Variants in PKHD1L1 observed in about 807,000 individuals in gnomAD.
PKHD1L1 encodes fibrocystin-L.
PKHD1L1 carries 434 observed loss-of-function variants against 462.9 expected under a neutral mutation model. The observed-to-expected ratio is 0.94, with a 90% confidence interval of 0.87 to 1.02. The LOEUF is 1.02. Among genes scored for constraint, PKHD1L1 ranks in the 50% least tolerant of loss-of-function variants. The probability of loss-of-function intolerance (pLI) is 0.00; values close to 1 mark genes in which losing one functional copy is unlikely to be tolerated. For synonymous variants in PKHD1L1, 1,781 were observed against 1,750.0 expected, an observed-to-expected ratio of 1.02 and a Z score of -0.44; for missense variants, 5,202 against 5,096.1, an observed-to-expected ratio of 1.02 and a Z score of -0.63.
rs552302505 is a variant in PKHD1L1 at position 109,445,385 on chromosome 8, C to T, written c.5516C>T (p.Thr1839Ile). 6 of 1,613,990 alleles carry T rather than the reference C, an allele frequency of 3.7e-6. No homozygotes were observed. The African/African-American group carries it at 8.0e-5, about 22-fold the overall frequency. ...SSPPVASLSP[T>I]SGSIGGGTTL... ...CCCCCAGTAGCATCTCTATCACCAA[C>T]TTCTGGAAGCATTGGTGGTGGAACT... Residue 1839 changes from threonine (T) to isoleucine (I), a missense_variant, in exon 38 of 78, where the codon ACT (threonine) becomes ATT (isoleucine). Transcript: ENST00000378402.
chr8:109,528,388 G>A (rs140008964), intron 77 of PKHD1L1, among the ~76,000 whole-genome samples: 1 of 152,206 alleles, frequency 6.6e-6, no homozygotes, highest in Non-Finnish European at 1.5e-5. Context: ...AATGCTAACA[G>A]GAATCTCAAA....
Position 109,479,557 on chromosome 8 carries a change from G to T in PKHD1L1, c.9096G>T (p.Trp3032Cys). 1 of 1,505,100 alleles carries T rather than the reference G, an allele frequency of 6.6e-7. No homozygotes were observed. Among genetic ancestry groups the T allele is most frequent in the Non-Finnish European group, 9.1e-7 (1 of 1,093,840 alleles). 93.2% of individuals were successfully genotyped at this position (1,505,100 alleles called of 1,614,324 possible). ...PKKRPATYNL[W>C]SNDSFWQSSR... ...ATTTCTCTTCTCTTTTCAGTTTATGGTCAAATGATTCTTTTTGGCAATCAT... is the reference window on the plus strand; with the variant it reads ...ATTTCTCTTCTCTTTTCAGTTTATGTTCAAATGATTCTTTTTGGCAATCAT... Residue 3032 changes from tryptophan to cysteine, a missense_variant, in exon 54 of 78, where the codon TGG becomes TGT. Physicochemically the swap from Trp to Cys is radical, Grantham distance 215. This residue lies in a region of PKHD1L1 where 4,497 missense variants were observed against 4,336.8 expected (regional missense o/e 1.04). Transcript: ENST00000378402.
chr8:109,387,450 G>A (rs10088918), intron 6 of PKHD1L1, among the ~76,000 whole-genome samples: 45,220 of 152,018 alleles, frequency 0.3, 7,314 homozygotes, highest in Admixed American at 0.43. Context: ...TGCTCTACCC[G>A]TTATTGTCTG....
In PKHD1L1 at chr8:109,465,139, T is replaced by C. The variant is rs1817368152; in HGVS notation, c.8307T>C (p.Gly2769=). The change falls in exon 49 of 78, where the codon GGT becomes GGC. Residue 2769 remains glycine (G), a synonymous_variant. Coordinates refer to ENST00000378402, the MANE Select transcript of PKHD1L1 (RefSeq NM_177531.6). ...ISGVCNDRCG[G]WSAKFVDVQY... The stretch of plus-strand genomic sequence containing the variant: ...GAGTTTGTAATGACAGATGTGGGGG[T>C]TGGAGTGCAAAGTTTGTTGACGTCC... 1.2e-6 allele frequency: 2 copies of C among 1,613,580 alleles called. No individual in the cohort carries two copies. The highest frequency in any genetic ancestry group is 1.7e-6 in the Non-Finnish European group (2 of 1,179,754).
chr8:109,381,361 C>G lies in PKHD1L1; in HGVS notation c.164-9C>G. On this transcript the variant is annotated splice_polypyrimidine_tract_variant and intron_variant, in intron 2 of 77. Coordinates refer to ENST00000378402, the MANE Select transcript of PKHD1L1 (RefSeq NM_177531.6). ...CATTAATAATAATTAAGTCTTCTTA[C>G]TTTTCCAGGTTTTTCTCAAGCAAAC... The G allele has an allele frequency of 6.4e-7, 1 of 1,556,732 alleles. No individual in the cohort carries two copies. The highest frequency in any genetic ancestry group is 1.2e-5 in the South Asian group (1 of 84,502).
chr8:109,435,280 T>C lies in PKHD1L1; in HGVS notation c.3431T>C (p.Val1144Ala). Reference protein sequence around the residue: ...SMADVGLAQNVGGEEFYFVYQ... With the variant: ...SMADVGLAQNAGGEEFYFVYQ... ...GCTGATGTTGGACTAGCACAGAATG[T>C]AGGGGGTGAAGAGTTCTACTTTGTT... Residue 1144 changes from valine to alanine, a missense_variant, in exon 29 of 78, where the codon GTA (valine) becomes GCA (alanine). Physicochemically the swap from Val to Ala is moderately conservative, Grantham distance 64. Around this residue, in one of 3 missense-constraint regions of PKHD1L1, gnomAD observed 4,497 missense variants for 4,336.8 expected, o/e 1.04. Coordinates refer to ENST00000378402, the MANE Select transcript of PKHD1L1 (RefSeq NM_177531.6). The C allele has an allele frequency of 3.1e-6, 5 of 1,613,882 alleles. No homozygotes were observed. The highest frequency in any genetic ancestry group is 2.2e-5 in the East Asian group (1 of 44,880).
chr8:109,412,099 C>T (rs1377411062), intron 19 of PKHD1L1, among the ~76,000 whole-genome samples, 166 bp from the exon 20 acceptor site: 2 of 152,120 alleles, frequency 1.3e-5, no homozygotes, highest in East Asian at 3.9e-4. Context: ...AATTATGGAT[C>T]CGAATGAGAG....
intron 10 of PKHD1L1, among the ~76,000 whole-genome samples, 174 bp downstream of exon 10, chr8:109,394,659 A>T (rs931695239): frequency 1.3e-5 from 2 of 152,056 alleles, no homozygotes; most frequent in Non-Finnish European, 2.9e-5. Context: ...ATTAAGCATG[A>T]CCTCCCCCAC....
chr8:109,478,357 A>G (rs1269445943), intron 53 of PKHD1L1, among the ~76,000 whole-genome samples: 1 of 152,186 alleles, frequency 6.6e-6, no homozygotes, highest in Non-Finnish European at 1.5e-5. Context: ...CTCATATTCA[A>G]TCCAAAGAGA....
At position 109,385,647 on chromosome 8, in the gene PKHD1L1, G is replaced by A; in HGVS notation, c.569+17G>A. 1 of 1,465,556 alleles carries A rather than the reference G, an allele frequency of 6.8e-7. No homozygotes were observed. The highest frequency in any genetic ancestry group is 9.5e-7 in the Non-Finnish European group (1 of 1,055,380). 90.8% of individuals were successfully genotyped at this position (1,465,556 alleles called of 1,614,324 possible). A position where few individuals can be genotyped will look rare whatever the true frequency, so the allele number is the denominator to read the frequency against. ...GATTTTGAGGTAATCTTTTGATGTG[G>A]AAATATATTCTTATAACTCATAAAT... On this transcript the variant is annotated intron_variant, in intron 6 of 77. Transcript: ENST00000378402.
At chr8:109,479,310 C>T (rs1420909269) in intron 53 of PKHD1L1, among the ~76,000 whole-genome samples, 1 of 152,182 alleles carries the variant, frequency 6.6e-6, no homozygotes, top group East Asian at 1.9e-4. Flanking sequence ...GGTGCATCCT[C>T]GTCAACTCAG....
At chr8:109,448,020 T>A in intron 38 of PKHD1L1, 123 bp from the exon 39 acceptor site, 1 of 836,404 alleles carries the variant, frequency 1.2e-6, no homozygotes, top group Non-Finnish European at 1.8e-6. Flanking sequence ...GTATTGTTAA[T>A]ATTTATATTA....
chr8:109,405,027 T>C lies in PKHD1L1; in HGVS notation c.1566T>C (p.Asn522=), dbSNP rs771481880. ...VITLENWETT[N]AINEVQKIKV... is the part of the protein sequence containing the mutation. ...CATTGGAAAACTGGGAAACAACTAA[T>C]GCAATTAATGAGGTTCAGAAGATCA... The change falls in exon 16 of 78, where the codon AAT becomes AAC. Residue 522 remains asparagine, a synonymous_variant. Coordinates refer to ENST00000378402, the MANE Select transcript of PKHD1L1 (RefSeq NM_177531.6). The C allele has an allele frequency of 1.3e-5, 20 of 1,523,662 alleles. 1 individual carries two copies. The highest frequency in any genetic ancestry group is 8.2e-5 in the Admixed American group (4 of 48,716). The allele number at this position is 1,523,662 out of a possible 1,614,324, so 94.4% of individuals were successfully genotyped here. A position where few individuals can be genotyped will look rare whatever the true frequency, so the allele number is the denominator to read the frequency against.
At chr8:109,458,828 T>A (rs1179905427) in intron 46 of PKHD1L1, among the ~76,000 whole-genome samples, 2 of 152,146 alleles carry the variant, frequency 1.3e-5, no homozygotes, top group Non-Finnish European at 2.9e-5. Flanking sequence ...GACACACTTG[T>A]CTCCTTAAAA....
chr8:109,398,638 G>T, intron 12 of PKHD1L1, 90 bp downstream of exon 12: 1 of 521,500 alleles, frequency 1.9e-6, no homozygotes, highest in South Asian at 6.7e-5. Flanking sequence ...TTAGAATTTA[G>T]AATTTGTAGT....
At chr8:109,400,409 T>G (rs1813215484) in intron 13 of PKHD1L1, 65 bp downstream of exon 13, 1 of 1,488,990 alleles carries the variant, frequency 6.7e-7, no homozygotes, top group Non-Finnish European at 9.1e-7. Context: ...ATATGTATCT[T>G]ACTCTAAATC....
Position 109,400,216 on chromosome 8 carries a change from C to T in PKHD1L1, c.1153C>T (p.Gln385Ter). ...DSASYIWLMEQDTFVARFSGF... is the reference protein window; with the variant it reads ...DSASYIWLME The stretch of plus-strand genomic sequence containing the variant: ...AGCTTCCTATATTTGGCTCATGGAA[C>T]AAGACACATTTGTTGCACGCTTTAG... Residue 385 changes from glutamine to a stop codon, truncating the protein, a stop_gained, in exon 13 of 78, where the codon CAA becomes TAA. Coordinates refer to ENST00000378402, the MANE Select transcript of PKHD1L1 (RefSeq NM_177531.6). LOFTEE classifies it high-confidence loss of function. The T allele has an allele frequency of 6.2e-7, 1 of 1,613,650 alleles. No homozygotes were observed. Among genetic ancestry groups the T allele is most frequent in the Non-Finnish European group, 8.5e-7 (1 of 1,179,670 alleles).
intron 71 of PKHD1L1, among the ~76,000 whole-genome samples, chr8:109,514,479 A>G (rs1437181059): frequency 2.0e-5 from 3 of 152,150 alleles, no homozygotes. Context: ...TCTTTTGTAA[A>G]AAATTAGAAG....
At position 109,385,668 on chromosome 8, in the gene PKHD1L1, T is replaced by C. The variant is rs10283053; in HGVS notation, c.569+38T>C. 3.7e-5 allele frequency: 48 copies of C among 1,297,920 alleles called. No individual in the cohort carries two copies. In the African/African-American group the frequency reaches 7.0e-4, roughly 19 times the overall value. The allele number at this position is 1,297,920 out of a possible 1,614,324, so 80.4% of individuals were successfully genotyped here. ...TGTGGAAATATATTCTTATAACTCA[T>C]AAATGAGAAGTAATATTATAAAAAT... On this transcript the variant is annotated intron_variant, in intron 6 of 77. Transcript: ENST00000378402.
Sources: allele counts gnomAD v4.1 joint callset (sites outside exome capture counted in the v4.1 genomes callset), GRCh38; gene constraint gnomAD v4.1.1; regional missense constraint gnomAD v4.1.1; transcripts MANE v1.5; gene names NCBI Gene and HGNC (gene_info 2026-07-23, HGNC 2026-07-21).